The following ANKRD35 variants were observed in gnomAD, a reference collection of about 807,000 sequenced individuals.
ANKRD35 encodes ankyrin repeat domain 35.
Under a neutral mutation model 109.9 loss-of-function variants are expected in ANKRD35, and 102 were observed. That is an observed-to-expected ratio of 0.93 (90% CI 0.79 to 1.09). The LOEUF is 1.09. Ranked by LOEUF, ANKRD35 falls within the 50% of genes least tolerant of loss-of-function variation. The pLI is 0.00. For missense variants in ANKRD35, 1,240 were observed against 1,230.1 expected, an observed-to-expected ratio of 1.01 and a Z score of -0.12; for synonymous variants, 515 against 512.4, an observed-to-expected ratio of 1.01 and a Z score of -0.07.
At chr1:145,879,473 T>C in intron 1 of ANKRD35, 85 bp from the exon 2 acceptor site, 4 of 1,337,144 alleles carry the variant, frequency 3.0e-6, no homozygotes, top group Non-Finnish European at 3.9e-6. Flanking sequence ...GGATGCCAAA[T>C]GAGAGAAAAG....
chr1:145,880,715 C>G (rs1469067077), intron 1 of ANKRD35, among the ~76,000 whole-genome samples: 5 of 152,144 alleles, frequency 3.3e-5, no homozygotes, highest in Middle Eastern at 3.2e-3. Context: ...TTTTCAAACA[C>G]TGTTTACGTA....
At chr1:145,883,902 C>G (rs587738950) in intron 1 of ANKRD35, among the ~76,000 whole-genome samples, 168 of 152,300 alleles carry the variant, frequency 1.1e-3, no homozygotes, top group Non-Finnish European at 1.8e-3. Context: ...AATTCTAAAC[C>G]CATCCAACTT....
chr1:145,880,245 G>C (rs1401264848), intron 1 of ANKRD35, among the ~76,000 whole-genome samples: 1 of 152,140 alleles, frequency 6.6e-6, no homozygotes, highest in Non-Finnish European at 1.5e-5. Context: ...GCATAAAAGA[G>C]ACAGCTATGT....
At position 145,872,898 on chromosome 1, in the gene ANKRD35, T is replaced by C. The variant is rs782210813; in HGVS notation, c.1871A>G (p.Asn624Ser). 6.2e-7 allele frequency: 1 copy of C among 1,614,118 alleles called. No homozygotes were observed. The highest frequency in any genetic ancestry group is 1.1e-5 in the South Asian group (1 of 91,082). ...CCCTAACTCCTCCAGCAAGTTACTG[T>C]TGCTCAGTCTCAGTACTGACATCTC... ...EKEMSVLRLSNSNLLEELGEL... is the reference protein window; with the variant it reads ...EKEMSVLRLSSSNLLEELGEL... The change falls in exon 10 of 14, where the codon AAC becomes AGC. Residue 624 changes from asparagine to serine, a missense_variant. By Grantham distance (46) the Asn-to-Ser change is conservative (BLOSUM62 1). Coordinates refer to ENST00000355594, the MANE Select transcript of ANKRD35 (RefSeq NM_144698.5).
chr1:145,867,879 C>T (rs981957436), intron 12 of ANKRD35, 112 bp downstream of exon 12: 19 of 1,041,080 alleles, frequency 1.8e-5, no homozygotes, highest in Admixed American at 3.8e-5. Flanking sequence ...TCCAGCTTTC[C>T]GAGAAACAGC....
At chr1:145,874,336 A>C in intron 8 of ANKRD35, 144 bp from the exon 9 acceptor site, 1 of 939,644 alleles carries the variant, frequency 1.1e-6, no homozygotes, top group Non-Finnish European at 1.6e-6. Context: ...CCAGAAGCCA[A>C]TCTTGTTTAG....
In ANKRD35 at chr1:145,885,641, C is replaced by T. The variant is rs1327647219; in HGVS notation, c.39+79G>A. ...CTGATAAAAAGAAAAGGCGATGATG[C>T]ATTGAGACGGGACTAAAGACTTCTG... is the stretch of plus-strand genomic sequence containing the variant. On this transcript the variant is annotated intron_variant, in intron 1 of 13. Coordinates refer to ENST00000355594, the MANE Select transcript of ANKRD35 (RefSeq NM_144698.5). 2.8e-6 allele frequency: 4 copies of T among 1,452,484 alleles called. No homozygotes were observed. The African/African-American group carries it at 5.6e-5, about 20-fold the overall frequency. The allele number at this position is 1,452,484 out of a possible 1,614,324, so 90.0% of individuals were successfully genotyped here.
intron 7 of ANKRD35, among the ~76,000 whole-genome samples, chr1:145,875,838 C>T (rs587734592): frequency 6.6e-6 from 1 of 152,284 alleles, no homozygotes; most frequent in African/African-American, 2.4e-5. Flanking sequence ...ATTCTACATA[C>T]ATTTTTTATT....
At chr1:145,883,630 C>A (rs1654376249) in intron 1 of ANKRD35, among the ~76,000 whole-genome samples, 1 of 152,148 alleles carries the variant, frequency 6.6e-6, no homozygotes, top group African/African-American at 2.4e-5. Context: ...GGCCCTGGAC[C>A]CAAATGTGTG....
At chr1:145,867,858 C>T (rs1653664616) in intron 12 of ANKRD35, 133 bp downstream of exon 12, 1 of 804,172 alleles carries the variant, frequency 1.2e-6, no homozygotes, top group Non-Finnish European at 2.1e-6. Flanking sequence ...GATCAGAGAC[C>T]TAGCACTGGA....
At chr1:145,878,306 T>G in intron 3 of ANKRD35, 85 bp downstream of exon 3, 1 of 1,368,404 alleles carries the variant, frequency 7.3e-7, no homozygotes, top group Non-Finnish European at 1.0e-6. Flanking sequence ...ACAGTAGGAA[T>G]GTCCAGCAGG....
At position 145,872,314 on chromosome 1, in the gene ANKRD35, CTG is replaced by C; in HGVS notation, c.2453_2454del (p.Thr818ArgfsTer5). On this transcript the variant is annotated frameshift_variant, in exon 10 of 14. Transcript: ENST00000355594. LOFTEE classifies it high-confidence loss of function. ...CGGGCCCTTAGCTCAGCCACTTCCT[CTG>C]TGGCTTGGTAGAGCAGCTGCTTCAG... ...GKLKQLLYQA[T>X]EEVAELRARE... The C allele has an allele frequency of 6.2e-7, 1 of 1,613,198 alleles. No individual in the cohort carries two copies.
intron 4 of ANKRD35, 49 bp from the exon 5 acceptor site, chr1:145,876,922 C>A (rs1553740247): frequency 1.3e-6 from 2 of 1,600,002 alleles, no homozygotes; most frequent in Non-Finnish European, 8.6e-7. Context: ...TGTTAACATC[C>A]TCATCCCATA....
intron 7 of ANKRD35, 52 bp from the exon 8 acceptor site, chr1:145,875,058 T>C: frequency 1.3e-6 from 2 of 1,523,426 alleles, no homozygotes; most frequent in Non-Finnish European, 1.8e-6. Flanking sequence ...AACCCAGAAG[T>C]CCTGGTTCCA....
chr1:145,867,942 T>C (rs1244276863), intron 12 of ANKRD35, 49 bp downstream of exon 12: 13 of 1,573,246 alleles, frequency 8.3e-6, no homozygotes, highest in Non-Finnish European at 1.1e-5. Flanking sequence ...TGCAATACCC[T>C]ATACTCAGCT....
Position 145,872,771 on chromosome 1 carries a change from T to A in ANKRD35, c.1998A>T (p.Leu666=). The change falls in exon 10 of 14, where the codon CTA becomes CTT. Residue 666 remains leucine, a synonymous_variant. Coordinates refer to ENST00000355594, the MANE Select transcript of ANKRD35 (RefSeq NM_144698.5). The stretch of plus-strand genomic sequence containing the variant: ...GCCCCACACTCTGTCGCAACTGCTG[T>A]AGCTGGACCTGCGCCTGTGGCTTGG... ...FVPKPQAQVQ[L]QQLRQSVGLL... 1 of 1,614,126 alleles carries A rather than the reference T, an allele frequency of 6.2e-7. No homozygotes were observed. The highest frequency in any genetic ancestry group is 8.5e-7 in the Non-Finnish European group (1 of 1,179,988).
chr1:145,876,786 G>T lies in ANKRD35; in HGVS notation c.382+30C>A, dbSNP rs1654093798. 4.3e-6 allele frequency: 7 copies of T among 1,613,772 alleles called. No individual in the cohort carries two copies. The Admixed American group carries it at 1.2e-4, about 27-fold the overall frequency. ...CCTTTCCCACCCTGTAGTCTCTGCAGCCCTGTTCCCATGAGTCCCCTGCAC... is the reference window on the plus strand; with the variant it reads ...CCTTTCCCACCCTGTAGTCTCTGCATCCCTGTTCCCATGAGTCCCCTGCAC... On this transcript the variant is annotated intron_variant, in intron 5 of 13. Coordinates refer to ENST00000355594, the MANE Select transcript of ANKRD35 (RefSeq NM_144698.5).
At position 145,871,999 on chromosome 1, in the gene ANKRD35, G is replaced by T; in HGVS notation, c.2770C>A (p.Arg924=). 1 of 1,611,514 alleles carries T rather than the reference G, an allele frequency of 6.2e-7. No homozygotes were observed. The highest frequency in any genetic ancestry group is 1.1e-5 in the South Asian group (1 of 91,044). The change falls in exon 10 of 14, where the codon CGA becomes AGA. Residue 924 remains arginine, a synonymous_variant. Transcript: ENST00000355594. ...CTGCTCACCTTGGCTTCCTTGTCTC[G>T]GCAAGCCCCAATGAGATGCTCCATC... ...EKMEHLIGAC[R]DKEAKIKELL...
At position 145,868,315 on chromosome 1, in the gene ANKRD35, A is replaced by C; in HGVS notation, c.2873T>G (p.Leu958Arg). Residue 958 changes from leucine to arginine, a missense_variant, in exon 11 of 14, where the codon CTG (leucine) becomes CGG (arginine). Transcript: ENST00000355594. ...RGENARLALQ[L>R]QDSQKNHEEI... ...TCCCTGACAGCCAAAACATACCTGCAGCTGCAGGGCAAGGCGAGCATTTTC... is the reference window on the plus strand; with the variant it reads ...TCCCTGACAGCCAAAACATACCTGCCGCTGCAGGGCAAGGCGAGCATTTTC... 1 of 1,614,170 alleles carries C rather than the reference A, an allele frequency of 6.2e-7. No homozygotes were observed. Among genetic ancestry groups the C allele is most frequent in the Non-Finnish European group, 8.5e-7 (1 of 1,180,012 alleles).
Sources: gnomAD v4.1 joint callset for allele counts (sites outside exome capture counted in the v4.1 genomes callset) on GRCh38, gnomAD v4.1.1 for gene constraint, MANE v1.5 for transcripts, NCBI Gene and HGNC (gene_info 2026-07-23, HGNC 2026-07-21) for gene names.